Variants in TPRG1 observed in about 807,000 individuals in gnomAD.
TPRG1 encodes the protein tumor protein p63-regulated gene 1 protein.
A neutral mutation model predicts 29.3 loss-of-function variants in TPRG1; 29 were observed. The observed-to-expected ratio is 0.99, with a 90% confidence interval of 0.74 to 1.35. TPRG1 has a LOEUF of 1.35. Among genes scored for constraint, TPRG1 ranks in the 40% most tolerant of loss-of-function variants. The pLI, the probability that TPRG1 is intolerant of heterozygous loss-of-function variation, is 0.00. For missense variants in TPRG1, 327 were observed against 335.0 expected (o/e 0.98, Z 0.19); for synonymous variants, 130 against 116.8 (o/e 1.11, Z -0.73).
intron 1 of TPRG1, among the ~76,000 whole-genome samples, chr3:189,117,412 T>A (rs548611291): frequency 6.6e-6 from 1 of 152,326 alleles, no homozygotes; most frequent in Non-Finnish European, 1.5e-5. Flanking sequence ...TTCCAGTTTA[T>A]ATCACCTAGC....
chr3:189,072,095 T>C (rs531612715), intron 4 of TPRG1, among the ~76,000 whole-genome samples: 1 of 152,196 alleles, frequency 6.6e-6, no homozygotes, highest in Non-Finnish European at 1.5e-5. Context: ...AAAAGGAACA[T>C]TTTATGTTCT....
At chr3:189,128,469 A>G (rs1722743545) in intron 2 of TPRG1, among the ~76,000 whole-genome samples, 1 of 152,226 alleles carries the variant, frequency 6.6e-6, no homozygotes, top group Non-Finnish European at 1.5e-5. Context: ...TTATACTAAA[A>G]AAGTTGTTTA....
chr3:189,062,106 A>C (rs1716147489), intron 4 of TPRG1, among the ~76,000 whole-genome samples: 1 of 152,238 alleles, frequency 6.6e-6, no homozygotes, highest in Admixed American at 6.5e-5. Context: ...CTGTGCAGCC[A>C]TATAAAAGAA....
intron 1 of TPRG1, among the ~76,000 whole-genome samples, chr3:189,106,855 A>T (rs1203966804): frequency 6.6e-6 from 1 of 152,140 alleles, no homozygotes; most frequent in Non-Finnish European, 1.5e-5. Context: ...TGAAAAGACT[A>T]ACACAAATTC....
chr3:189,227,885 G>T (rs1249091564), intron 3 of TPRG1, among the ~76,000 whole-genome samples: 1 of 152,156 alleles, frequency 6.6e-6, no homozygotes, highest in East Asian at 1.9e-4. Context: ...ACTTTGAAAG[G>T]CTGAGGTGGG....
At chr3:189,026,319 A>G (rs1367263204) in intron 4 of TPRG1, among the ~76,000 whole-genome samples, 1 of 152,156 alleles carries the variant, frequency 6.6e-6, no homozygotes, top group Non-Finnish European at 1.5e-5. Context: ...TTCTTCTTAT[A>G]AGGACATCAG....
At chr3:189,091,432 A>G (rs1225913499) in intron 4 of TPRG1, among the ~76,000 whole-genome samples, 3 of 152,162 alleles carry the variant, frequency 2.0e-5, no homozygotes, top group Non-Finnish European at 4.4e-5. Context: ...CATTTCCATC[A>G]CATAGTAATA....
chr3:189,096,372 G>A (rs1164931699), upstream of TPRG1, among the ~76,000 whole-genome samples: 1 of 152,186 alleles, frequency 6.6e-6, no homozygotes, highest in Non-Finnish European at 1.5e-5. Context: ...CTCCACTTGA[G>A]TGGAGCACTT....
chr3:189,239,932 C>T (rs1740252057), intron 4 of TPRG1, among the ~76,000 whole-genome samples: 1 of 152,088 alleles, frequency 6.6e-6, no homozygotes, highest in African/African-American at 2.4e-5. Context: ...CATTTTAGAT[C>T]TAAGCAAGAG....
intron 5 of TPRG1, among the ~76,000 whole-genome samples, chr3:189,314,865 G>A (rs1013210864): frequency 1.1e-4 from 17 of 152,132 alleles, no homozygotes; most frequent in African/African-American, 4.1e-4. Flanking sequence ...TATGCCTGTA[G>A]TCCCAGTGAC....
intron 3 of TPRG1, among the ~76,000 whole-genome samples, chr3:189,132,979 C>T (rs2108538189): frequency 2.0e-5 from 3 of 152,166 alleles, no homozygotes; most frequent in Admixed American, 2.0e-4. Flanking sequence ...GTACACATAC[C>T]ATGACACTAT....
intron 1 of TPRG1, among the ~76,000 whole-genome samples, chr3:189,105,366 TG>T (rs1365778361): frequency 6.6e-6 from 1 of 152,184 alleles, no homozygotes; most frequent in Non-Finnish European, 1.5e-5. Flanking sequence ...CTGAAATTTA[TG>T]GCTTCTGAAT....
intron 4 of TPRG1, among the ~76,000 whole-genome samples, chr3:189,288,203 G>A (rs9815491): frequency 0.087 from 13,194 of 151,978 alleles, 705 homozygotes; most frequent in African/African-American, 0.16. Flanking sequence ...GATCAATAAT[G>A]TAGTTGCTTC....
intron 4 of TPRG1, among the ~76,000 whole-genome samples, chr3:189,255,393 A>C (rs1180535800): frequency 6.6e-6 from 1 of 152,148 alleles, no homozygotes; most frequent in Non-Finnish European, 1.5e-5. Context: ...ATGGTGGATA[A>C]TCTTTTTGAT....
intron 4 of TPRG1, among the ~76,000 whole-genome samples, chr3:189,295,717 C>T (rs369255562): frequency 1.3e-5 from 2 of 151,868 alleles, no homozygotes; most frequent in African/African-American, 4.8e-5. Flanking sequence ...CTCAAGGGCG[C>T]GTGATGTTTT....
chr3:189,301,922 C>A (rs16864188), intron 4 of TPRG1, among the ~76,000 whole-genome samples: 3 of 152,104 alleles, frequency 2.0e-5, no homozygotes, highest in Admixed American at 6.5e-5. Context: ...ATCACAGCAC[C>A]CTCCCCTGCA....
At chr3:188,998,827 G>A (rs1372057205) in intron 1 of TPRG1, among the ~76,000 whole-genome samples, 1 of 152,166 alleles carries the variant, frequency 6.6e-6, no homozygotes, top group African/African-American at 2.4e-5. Context: ...GGGTGTGGGA[G>A]GAAATGAAGA....
chr3:189,057,386 C>A (rs1715768251), intron 4 of TPRG1, among the ~76,000 whole-genome samples: 3 of 152,018 alleles, frequency 2.0e-5, no homozygotes, highest in Non-Finnish European at 4.4e-5. Context: ...ATTTTGTAAA[C>A]CTCCTGCAAT....
intron 4 of TPRG1, among the ~76,000 whole-genome samples, chr3:189,078,011 C>T (rs1717296201): frequency 1.0e-5 from 1 of 99,598 alleles, no homozygotes; most frequent in Admixed American, 9.5e-5. Context: ...AAAACCTTTT[C>T]CTTCCTTCCT....
Sources: gnomAD v4.1 joint callset for allele counts (sites outside exome capture counted in the v4.1 genomes callset) on GRCh38, gnomAD v4.1.1 for gene constraint, MANE v1.5 for transcripts, NCBI Gene and HGNC (gene_info 2026-07-23, HGNC 2026-07-21) for gene names.